DIAPH3: variants seen among roughly 807,000 people sequenced by gnomAD.
The protein encoded by DIAPH3 is protein diaphanous homolog 3.
Under a neutral mutation model 144.3 loss-of-function variants are expected in DIAPH3, and 117 were observed. The observed-to-expected ratio is 0.81, with a 90% CI of 0.70 to 0.95. The LOEUF is 0.95. Among genes scored for constraint, DIAPH3 ranks in the 40% least tolerant of loss-of-function variants. The probability of loss-of-function intolerance (pLI) is 0.00; values close to 1 mark genes in which losing one functional copy is unlikely to be tolerated. For synonymous variants in DIAPH3, 519 were observed against 488.9 expected, an observed-to-expected ratio of 1.06 and a Z score of -0.81; for missense variants, 1,421 against 1,412.7, an observed-to-expected ratio of 1.01 and a Z score of -0.09.
At chr13:59,797,179 C>T (rs896671484) in intron 25 of DIAPH3, among the ~76,000 whole-genome samples, 1 of 152,110 alleles carries the variant, frequency 6.6e-6, no homozygotes, top group Non-Finnish European at 1.5e-5. Context: ...TTTCTATCCC[C>T]CCATCCCTAC....
At chr13:59,926,718 C>A (rs9598072) in intron 17 of DIAPH3, among the ~76,000 whole-genome samples, 101,441 of 151,966 alleles carry the variant, frequency 0.67, 34,566 homozygotes, top group Admixed American at 0.75. Flanking sequence ...TGATTTTTTA[C>A]AAGTTGTTGA....
intron 20 of DIAPH3, among the ~76,000 whole-genome samples, chr13:59,900,811 G>A (rs1299803199): frequency 6.6e-6 from 1 of 152,092 alleles, no homozygotes; most frequent in Non-Finnish European, 1.5e-5. Context: ...TCCACTAAGA[G>A]GTCAACAGAC....
chr13:59,980,642 T>C (rs1235358442), intron 14 of DIAPH3, among the ~76,000 whole-genome samples, 153 bp downstream of exon 14: 1 of 151,602 alleles, frequency 6.6e-6, no homozygotes, highest in Non-Finnish European at 1.5e-5. Context: ...TAAGACTTTT[T>C]AGATACAGTA....
chr13:59,998,832 C>A (rs2052361652), intron 9 of DIAPH3, among the ~76,000 whole-genome samples: 1 of 152,060 alleles, frequency 6.6e-6, no homozygotes, highest in South Asian at 2.1e-4. Context: ...GGAATTAAAA[C>A]AAATTAACAT....
chr13:60,086,486 A>T (rs568522088), intron 4 of DIAPH3, among the ~76,000 whole-genome samples: 1 of 152,306 alleles, frequency 6.6e-6, no homozygotes, highest in South Asian at 2.1e-4. Flanking sequence ...CAGGCAAAGC[A>T]TCATAAGCAA....
intron 25 of DIAPH3, among the ~76,000 whole-genome samples, chr13:59,775,324 G>A (rs953093061): frequency 6.6e-6 from 1 of 151,894 alleles, no homozygotes; most frequent in Non-Finnish European, 1.5e-5. Flanking sequence ...CTCACTGCAA[G>A]CCCTGCCTTC....
chr13:59,668,290 T>C (rs1450855778), intron 27 of DIAPH3, among the ~76,000 whole-genome samples: 1 of 152,210 alleles, frequency 6.6e-6, no homozygotes, highest in African/African-American at 2.4e-5. Flanking sequence ...TCCCAAAGAA[T>C]GCTTGAAAAC....
chr13:60,113,525 CTTAAACA>C (rs1221417047), intron 2 of DIAPH3, among the ~76,000 whole-genome samples: 1 of 152,174 alleles, frequency 6.6e-6, no homozygotes, highest in African/African-American at 2.4e-5. Context: ...CCTAACATCA[CTTAAACA>C]TTAAAGTACT....
At chr13:59,952,047 A>T (rs1046834074) in intron 17 of DIAPH3, among the ~76,000 whole-genome samples, 3 of 152,216 alleles carry the variant, frequency 2.0e-5, no homozygotes, top group African/African-American at 4.8e-5. Context: ...ATCATGGTAT[A>T]AAACTACAAT....
chr13:59,923,643 A>T (rs568089122), intron 18 of DIAPH3, among the ~76,000 whole-genome samples: 3 of 152,310 alleles, frequency 2.0e-5, no homozygotes, highest in Non-Finnish European at 2.9e-5. Context: ...AAGTGACATT[A>T]ACTCCACTCC....
chr13:59,857,524 A>C (rs1283508765), intron 22 of DIAPH3, among the ~76,000 whole-genome samples: 1 of 152,136 alleles, frequency 6.6e-6, no homozygotes, highest in Non-Finnish European at 1.5e-5. Context: ...GGAAACAGAG[A>C]AATATGGCAA....
chr13:59,702,315 A>G lies in DIAPH3; in HGVS notation c.3320-35469T>C, dbSNP rs77737092. Among the ~76,000 whole-genome samples the G allele has an allele frequency of 5.3e-3, 807 of 152,370 alleles. 4 individuals are homozygous for G. The highest frequency in any genetic ancestry group is 0.018 in the African/African-American group (765 of 41,586). ...TGAGCCACTTGTCATAAAAGAAATTACGCTTAACTTACAAATTGAATGTGG... is the reference window on the plus strand; with the variant it reads ...TGAGCCACTTGTCATAAAAGAAATTGCGCTTAACTTACAAATTGAATGTGG... On this transcript the variant is annotated intron_variant, in intron 27 of 27. Transcript: ENST00000400324.
chr13:59,802,070 C>A (rs191712207), intron 25 of DIAPH3, among the ~76,000 whole-genome samples: 16 of 152,004 alleles, frequency 1.1e-4, no homozygotes, highest in Non-Finnish European at 1.9e-4. Flanking sequence ...GTCAGAATGA[C>A]CCAAAATACA....
chr13:59,778,080 C>A (rs577804798), intron 25 of DIAPH3, among the ~76,000 whole-genome samples: 1 of 152,248 alleles, frequency 6.6e-6, no homozygotes, highest in African/African-American at 2.4e-5. Context: ...TTTAGGCTCA[C>A]AAAACAACTT....
chr13:59,688,399 A>G (rs1484316885), intron 27 of DIAPH3, among the ~76,000 whole-genome samples: 4 of 152,116 alleles, frequency 2.6e-5, no homozygotes, highest in Non-Finnish European at 5.9e-5. Flanking sequence ...CAAAAAAATA[A>G]TAACTGAAAA....
intron 27 of DIAPH3, among the ~76,000 whole-genome samples, chr13:59,722,973 C>CTA (rs2035417207): frequency 6.6e-6 from 1 of 152,174 alleles, no homozygotes; most frequent in Non-Finnish European, 1.5e-5. Flanking sequence ...GAACCCTGAC[C>CTA]TATACAGCAT....
Position 59,666,478 on chromosome 13 carries a change from TA to T in DIAPH3, c.*105del, listed in dbSNP as rs1695702220. On this transcript the variant is annotated 3_prime_UTR_variant, in exon 28 of 28. Transcript: ENST00000400324. ...TATTTTTCTAATATATATCATAATT[TA>T]AAACTATATAAAGTCACTTACATAA... 7.8e-7 allele frequency: 1 copy of T among 1,278,686 alleles called. No homozygotes were observed. The highest frequency in any genetic ancestry group is 1.1e-6 in the Non-Finnish European group (1 of 929,350). 79.2% of individuals were successfully genotyped at this position (1,278,686 alleles called of 1,614,324 possible). A position where few individuals can be genotyped will look rare whatever the true frequency, so the allele number is the denominator to read the frequency against.
At chr13:59,717,828 CAAACCAAACCA>C (rs978731483) in intron 27 of DIAPH3, among the ~76,000 whole-genome samples, 1 of 150,618 alleles carries the variant, frequency 6.6e-6, no homozygotes, top group Non-Finnish European at 1.5e-5. Context: ...AACCACAAGC[CAAACCAAACCA>C]AAACCAAACC....
chr13:59,815,723 T>G (rs1184474919), intron 24 of DIAPH3, among the ~76,000 whole-genome samples: 1 of 152,132 alleles, frequency 6.6e-6, no homozygotes, highest in Admixed American at 6.6e-5. Context: ...CCCAATGCGC[T>G]GGGATTACAG....
Sources: allele counts gnomAD v4.1 joint callset (sites outside exome capture counted in the v4.1 genomes callset), GRCh38; gene constraint gnomAD v4.1.1; transcripts MANE v1.5; gene names NCBI Gene and HGNC (gene_info 2026-07-23, HGNC 2026-07-21).